Variants in MED25 observed in about 807,000 individuals in gnomAD.
MED25 encodes mediator of RNA polymerase II transcription subunit 25.
A neutral mutation model predicts 89.4 loss-of-function variants in MED25; 62 were observed. That is an observed-to-expected ratio of 0.69 (90% CI 0.57 to 0.86). The LOEUF is 0.86. Among genes scored for constraint, MED25 ranks in the 40% least tolerant of loss-of-function variants. The probability of loss-of-function intolerance (pLI) is 0.00; values close to 1 mark genes in which losing one functional copy is unlikely to be tolerated. For missense variants in MED25, 905 were observed against 1,005.2 expected (o/e 0.90, Z 1.35); for synonymous variants, 449 against 427.9 (o/e 1.05, Z -0.61).
intron 4 of MED25, 147 bp downstream of exon 4, chr19:49,828,694 G>C: frequency 3.3e-6 from 3 of 911,168 alleles, no homozygotes; most frequent in Non-Finnish European, 5.3e-6. Flanking sequence ...GGCTGCAGGT[G>C]TGTCCTTGGG....
chr19:49,835,173 G>A lies in MED25; in HGVS notation c.1670G>A (p.Arg557Gln), dbSNP rs765133364. The A allele has an allele frequency of 1.2e-6, 2 of 1,613,908 alleles. No individual in the cohort carries two copies. The highest frequency in any genetic ancestry group is 1.3e-5 in the African/African-American group (1 of 75,018). ...CAGCAGAAGCTGGAGCAGCAGCAGC[G>A]AGGAGTGAGTGTTGACAGTCCCCAA... ...VQQQKLEQQQRGMGGQQAPPG... is the reference protein window; with the variant it reads ...VQQQKLEQQQQGMGGQQAPPG... The change falls in exon 14 of 18, where the codon CGA (arginine) becomes CAA (glutamine). Residue 557 changes from arginine (R) to glutamine (Q), a missense_variant. Around this residue, in one of 3 missense-constraint regions of MED25, gnomAD observed 133 missense variants for 220.2 expected, o/e 0.60. Transcript: ENST00000312865. The surrounding 1 kb of genome is among the most constrained non-coding windows in gnomAD (Gnocchi z 6.2).
In MED25 at chr19:49,831,529, C is replaced by T. The variant is rs1217557692; in HGVS notation, c.1230+68C>T. ...GCCGTGGGGCTGGGCATGTAGGACT[C>T]ATGGGGCCAGATGCGTGGGGTCTGC... On this transcript the variant is annotated intron_variant, in intron 10 of 17. Transcript: ENST00000312865. The surrounding 1 kb of genome is among the most constrained non-coding windows in gnomAD (Gnocchi z 5.0). The T allele has an allele frequency of 4.2e-5, 65 of 1,563,988 alleles. No individual in the cohort carries two copies. Among genetic ancestry groups the T allele is most frequent in the Admixed American group, 1.3e-4 (7 of 54,796 alleles).
In MED25 at chr19:49,830,863, G is replaced by A. The variant is rs978368787; in HGVS notation, c.1077G>A (p.Thr359=). 1.5e-5 allele frequency: 24 copies of A among 1,611,016 alleles called. No individual in the cohort carries two copies. Among genetic ancestry groups the A allele is most frequent in the East Asian group, 1.3e-4 (6 of 44,854 alleles). The change falls in exon 9 of 18, where the codon ACG becomes ACA. Residue 359 remains threonine, a synonymous_variant. Coordinates refer to ENST00000312865, the MANE Select transcript of MED25 (RefSeq NM_030973.4). The surrounding 1 kb of genome is among the most constrained non-coding windows in gnomAD (Gnocchi z 4.6). The part of the protein sequence containing the change: ...TVAPGSGLAP[T]AQPGAPSMAG... ...CCCCTGGCTCCGGCCTGGCTCCCAC[G>A]GCACAGCCCGGGGCACCGTCCATGG...
Position 49,830,270 on chromosome 19 carries a change from G to T in MED25, c.819+52G>T. 6.3e-7 allele frequency: 1 copy of T among 1,576,078 alleles called. No individual in the cohort carries two copies. Reference sequence around the variant, plus strand: ...GCTTCTGGGGACTTGCTGGAGCCCTGGCCCCTGGGGAGAAATCTAGTTGCA... The same window carrying T: ...GCTTCTGGGGACTTGCTGGAGCCCTTGCCCCTGGGGAGAAATCTAGTTGCA... On this transcript the variant is annotated intron_variant, in intron 7 of 17. Coordinates refer to ENST00000312865, the MANE Select transcript of MED25 (RefSeq NM_030973.4). This position sits in a 1 kb window ranked among gnomAD's most constrained non-coding sequence, Gnocchi z 4.6.
In MED25 at chr19:49,834,590, C is replaced by G. The variant is rs1462949822; in HGVS notation, c.1483-396C>G. Reference sequence around the variant, plus strand: ...TCTCTTGGATACCCGGGGTCCGACCCACCGTTGATCACAGGCCTGTGGGTA... The same window carrying G: ...TCTCTTGGATACCCGGGGTCCGACCGACCGTTGATCACAGGCCTGTGGGTA... On this transcript the variant is annotated intron_variant, in intron 13 of 17. Coordinates refer to ENST00000312865, the MANE Select transcript of MED25 (RefSeq NM_030973.4). This position sits in a 1 kb window ranked among gnomAD's most constrained non-coding sequence, Gnocchi z 4.1. 3.2e-6 allele frequency: 1 copy of G among 315,374 alleles called. No homozygotes were observed. The highest frequency in any genetic ancestry group is 2.1e-5 in the African/African-American group (1 of 46,698). 19.5% of individuals were successfully genotyped at this position (315,374 alleles called of 1,614,324 possible). A position where few individuals can be genotyped will look rare whatever the true frequency, so the allele number is the denominator to read the frequency against.
rs540861921 is a variant in MED25 at position 49,830,273 on chromosome 19, C to G, written c.819+55C>G. 1.3e-6 allele frequency: 2 copies of G among 1,570,066 alleles called. No homozygotes were observed. The highest frequency in any genetic ancestry group is 1.7e-6 in the Non-Finnish European group (2 of 1,149,850). ...TCTGGGGACTTGCTGGAGCCCTGGC[C>G]CCTGGGGAGAAATCTAGTTGCATGT... is the stretch of plus-strand genomic sequence containing the variant. On this transcript the variant is annotated intron_variant, in intron 7 of 17. Transcript: ENST00000312865. This position sits in a 1 kb window ranked among gnomAD's most constrained non-coding sequence, Gnocchi z 4.6.
rs1425255378 is a variant in MED25 at position 49,831,659 on chromosome 19, T to C, written c.1230+198T>C. Among the ~76,000 whole-genome samples the C allele has an allele frequency of 1.3e-5, 2 of 152,102 alleles. No homozygotes were observed. The highest frequency in any genetic ancestry group is 1.9e-4 in the East Asian group (1 of 5,150). ...CTTGCGGTACAGAGGAGAGTCCCCA[T>C]GCAAAGAACCCAGAAAAGCCCAGGA... On this transcript the variant is annotated intron_variant, in intron 10 of 17. Coordinates refer to ENST00000312865, the MANE Select transcript of MED25 (RefSeq NM_030973.4). This position sits in a 1 kb window ranked among gnomAD's most constrained non-coding sequence, Gnocchi z 5.0.
intron 3 of MED25, among the ~76,000 whole-genome samples, chr19:49,821,410 C>T (rs1242339097): frequency 2.6e-5 from 4 of 152,234 alleles, no homozygotes; most frequent in Non-Finnish European, 5.9e-5. Context: ...ATCTCAGCTT[C>T]CCGAGTAGCT....
At chr19:49,820,445 C>T (rs2073974341) in intron 3 of MED25, among the ~76,000 whole-genome samples, 1 of 152,248 alleles carries the variant, frequency 6.6e-6, no homozygotes, top group Non-Finnish European at 1.5e-5. Flanking sequence ...GGGCTTATCC[C>T]ATAACCTTCA....
chr19:49,830,990 G>T lies in MED25; in HGVS notation c.1101+103G>T, dbSNP rs940596470. ...TGCCTTCCAGGGGGATGTGGCTCTC[G>T]TGGTTCTGGGGCTTTGGGGGCTCGT... On this transcript the variant is annotated intron_variant, in intron 9 of 17. Transcript: ENST00000312865. The surrounding 1 kb of genome is among the most constrained non-coding windows in gnomAD (Gnocchi z 4.6). The T allele has an allele frequency of 2.3e-6, 3 of 1,304,016 alleles. No homozygotes were observed. Among genetic ancestry groups the T allele is most frequent in the East Asian group, 4.6e-5 (2 of 43,550 alleles). The allele number at this position is 1,304,016 out of a possible 1,614,324, so 80.8% of individuals were successfully genotyped here.
Position 49,828,975 on chromosome 19 carries a change from A to G in MED25, c.410A>G (p.Gln137Arg). 1 of 1,614,030 alleles carries G rather than the reference A, an allele frequency of 6.2e-7. No homozygotes were observed. Among genetic ancestry groups the G allele is most frequent in the Non-Finnish European group, 8.5e-7 (1 of 1,179,996 alleles). ...TCTTCTCTCTTTCCTGGTAGTGGCC[A>G]GACGCACCGGGTCTGCCTCCTCATC... is the stretch of plus-strand genomic sequence containing the variant. ...DFKKMREQIG[Q>R]THRVCLLICN... Residue 137 changes from glutamine (Q) to arginine (R), a missense_variant, in exon 5 of 18, where the codon CAG (glutamine) becomes CGG (arginine). This residue lies in a region of MED25 where 501 missense variants were observed against 526.9 expected (regional missense o/e 0.95). Transcript: ENST00000312865.
intron 3 of MED25, among the ~76,000 whole-genome samples, chr19:49,820,681 C>T (rs2123864469): frequency 6.6e-6 from 1 of 152,306 alleles, no homozygotes; most frequent in Admixed American, 6.5e-5. Context: ...TGGGCTGTGC[C>T]CATTGCTGCC....
chr19:49,840,068 G>A (rs1036145494), downstream of MED25: 7 of 152,082 alleles, frequency 4.6e-5, no homozygotes, highest in African/African-American at 1.2e-4. Context: ...GCTGTTTTCC[G>A]TTACGAACCT....
In MED25 at chr19:49,834,461, A is replaced by C. The variant is rs2074081054; in HGVS notation, c.1483-525A>C. The C allele has an allele frequency of 5.5e-6, 1 of 180,348 alleles. No homozygotes were observed. The highest frequency in any genetic ancestry group is 1.2e-5 in the Non-Finnish European group (1 of 83,034). 11.2% of individuals were successfully genotyped at this position (180,348 alleles called of 1,614,324 possible). On this transcript the variant is annotated intron_variant, in intron 13 of 17. Coordinates refer to ENST00000312865, the MANE Select transcript of MED25 (RefSeq NM_030973.4). The surrounding 1 kb of genome is among the most constrained non-coding windows in gnomAD (Gnocchi z 4.1). ...GGGTGCTTCCTGTGGGCTGAGCCTC[A>C]GGCAGGGCTCTTGCTGTGGATCAGA...
At position 49,819,992 on chromosome 19, in the gene MED25, A is replaced by AT. The variant is rs34513218; in HGVS notation, c.305+713dup. ...AGGCACACGCCACTATGCCCAGCTA[A>AT]TTTTTTTTTTTTTTTTTGTATTTTT... is the stretch of plus-strand genomic sequence containing the variant. On this transcript the variant is annotated intron_variant, in intron 3 of 17. Coordinates refer to ENST00000312865, the MANE Select transcript of MED25 (RefSeq NM_030973.4). The AT allele has an allele frequency of 5.6e-3, 788 of 140,132 alleles. 10 individuals are homozygous for AT. The highest frequency in any genetic ancestry group is 0.039 in the East Asian group (184 of 4,730). 8.7% of individuals were successfully genotyped at this position (140,132 alleles called of 1,614,324 possible). A position where few individuals can be genotyped will look rare whatever the true frequency, so the allele number is the denominator to read the frequency against.
downstream of MED25, chr19:49,838,374 C>T: frequency 2.8e-6 from 1 of 357,002 alleles, no homozygotes; most frequent in South Asian, 2.1e-5. Flanking sequence ...CCTGGGCCCG[C>T]CCTTCTGCCT....
Position 49,828,524 on chromosome 19 carries a change from CT to C in MED25, c.383del (p.Phe128SerfsTer86). ...GCACAGCCTTGCAGCTGTTTGATGA[CT>C]TCAAGAAGATGCGCGAGCAGATGTG... is the stretch of plus-strand genomic sequence containing the variant. ...LSTALQLFDD[F>X]KKMREQIGQT... On this transcript the variant is annotated frameshift_variant, in exon 4 of 18. Coordinates refer to ENST00000312865, the MANE Select transcript of MED25 (RefSeq NM_030973.4). LOFTEE classifies it high-confidence loss of function. 1 of 1,613,980 alleles carries C rather than the reference CT, an allele frequency of 6.2e-7. No homozygotes were observed.
chr19:49,819,405 G>A, intron 3 of MED25, 109 bp downstream of exon 3: 2 of 1,258,590 alleles, frequency 1.6e-6, no homozygotes, highest in Admixed American at 2.0e-5. Context: ...ATAAGTGATG[G>A]CTTGGGGTGG....
In MED25 at chr19:49,836,376, G is replaced by T. The variant is rs762953015; in HGVS notation, c.2116G>T (p.Ala706Ser). 3.1e-6 allele frequency: 5 copies of T among 1,604,136 alleles called. No individual in the cohort carries two copies. The highest frequency in any genetic ancestry group is 4.3e-6 in the Non-Finnish European group (5 of 1,175,604). ...LHPPPAQSWP[A>S]QLPPRAPLPG... is the part of the protein sequence containing the mutation. The stretch of plus-strand genomic sequence containing the variant: ...TCCACCACCTGCCCAGTCCTGGCCC[G>T]CACAACTTCCCCCTCGGGCTCCACT... The change falls in exon 17 of 18, where the codon GCA (alanine) becomes TCA (serine). Residue 706 changes from alanine to serine, a missense_variant. Ala to Ser is a moderately conservative substitution (Grantham distance 99). Coordinates refer to ENST00000312865, the MANE Select transcript of MED25 (RefSeq NM_030973.4). This position sits in a 1 kb window ranked among gnomAD's most constrained non-coding sequence, Gnocchi z 5.1.
Sources: allele counts gnomAD v4.1 joint callset (sites outside exome capture counted in the v4.1 genomes callset), GRCh38; gene constraint gnomAD v4.1.1; regional missense constraint gnomAD v4.1.1; non-coding constraint Gnocchi (gnomAD v3.1); transcripts MANE v1.5; gene names NCBI Gene and HGNC (gene_info 2026-07-23, HGNC 2026-07-21).